CPEB3: variants seen among roughly 807,000 people sequenced by gnomAD.
CPEB3 encodes cytoplasmic polyadenylation element-binding protein 3.
Under a neutral mutation model 67.2 loss-of-function variants are expected in CPEB3, and 20 were observed. The observed-to-expected ratio is 0.30, with a 90% CI of 0.21 to 0.43. The LOEUF is 0.43. CPEB3 is among the 20% of genes least tolerant of loss of function. CPEB3 has a pLI of 1.00. For missense variants in CPEB3, 746 were observed against 968.6 expected (o/e 0.77, Z 3.05); for synonymous variants, 376 against 393.1 (o/e 0.96, Z 0.51).
At chr10:92,139,943 C>T (rs951390490) in intron 6 of CPEB3, among the ~76,000 whole-genome samples, 1 of 151,714 alleles carries the variant, frequency 6.6e-6, no homozygotes, top group Non-Finnish European at 1.5e-5. Flanking sequence ...TATGGTGGCA[C>T]AAGCCTGTAG....
intron 4 of CPEB3, among the ~76,000 whole-genome samples, chr10:92,170,547 AATAATT>A (rs1847952423): frequency 6.6e-6 from 1 of 152,170 alleles, no homozygotes; most frequent in Non-Finnish European, 1.5e-5. Context: ...TTCCACTAAG[AATAATT>A]AATAACCACC....
intron 1 of CPEB3, among the ~76,000 whole-genome samples, chr10:92,271,863 C>A (rs1411413413): frequency 1.3e-5 from 2 of 152,104 alleles, no homozygotes; most frequent in East Asian, 3.8e-4. Flanking sequence ...ATCATTTATT[C>A]TTGTGGTGTT....
chr10:92,078,679 C>T (rs1437466100), intron 9 of CPEB3, among the ~76,000 whole-genome samples: 8 of 152,054 alleles, frequency 5.3e-5, no homozygotes, highest in African/African-American at 1.9e-4. Flanking sequence ...TTTCCTGAGC[C>T]CTGAGAAGTC....
intron 1 of CPEB3, among the ~76,000 whole-genome samples, chr10:92,284,006 T>A (rs1194445646): frequency 6.8e-6 from 1 of 147,538 alleles, no homozygotes; most frequent in Non-Finnish European, 1.5e-5. Context: ...GGATTACAGG[T>A]GTGAGCCACT....
At position 92,127,799 on chromosome 10, in the gene CPEB3, G is replaced by C. The variant is rs114233871; in HGVS notation, c.1453+15230C>G. The stretch of plus-strand genomic sequence containing the variant: ...TAGCAAAGTAGTCAGTGTGGCCATA[G>C]TGGGTAAGGGAGAGAATGATAGGAG... On this transcript the variant is annotated intron_variant, in intron 6 of 9. Coordinates refer to ENST00000265997, the MANE Select transcript of CPEB3 (RefSeq NM_014912.5). Among the ~76,000 whole-genome samples, 1,000 of 152,322 alleles carry C rather than the reference G, an allele frequency of 6.6e-3. 13 individuals are homozygous for C. The highest frequency in any genetic ancestry group is 0.022 in the African/African-American group (914 of 41,574).
intron 7 of CPEB3, among the ~76,000 whole-genome samples, chr10:92,097,478 C>G (rs1382754885): frequency 6.6e-6 from 1 of 152,210 alleles, no homozygotes; most frequent in African/African-American, 2.4e-5. Flanking sequence ...CTCCTGAGGA[C>G]TACTTTTGGC....
chr10:92,222,190 A>G (rs988180362), intron 2 of CPEB3, among the ~76,000 whole-genome samples: 1 of 147,926 alleles, frequency 6.8e-6, no homozygotes, highest in Non-Finnish European at 1.5e-5. Flanking sequence ...TTGTCTCCAA[A>G]CCTCTTTTTT....
At chr10:92,205,091 G>A (rs1449297540) in intron 2 of CPEB3, among the ~76,000 whole-genome samples, 1 of 152,050 alleles carries the variant, frequency 6.6e-6, no homozygotes, top group Non-Finnish European at 1.5e-5. Context: ...ACCCACCTTG[G>A]CCTCCCAAAG....
rs1281791051 is a variant in CPEB3, at chr10:92,239,387, C to A, written c.964G>T (p.Ala322Ser). The A allele has an allele frequency of 3.1e-6, 5 of 1,605,968 alleles. No homozygotes were observed. Among genetic ancestry groups the A allele is most frequent in the Non-Finnish European group, 4.3e-6 (5 of 1,176,412 alleles). ...TTGTTACCATTATCGGTCCGGAAAG[C>A]GTTATCCTCCATCCAGGACTTGGAA... is the stretch of plus-strand genomic sequence containing the variant. ...LTSKSWMEDN[A>S]FRTDNGNNLL... The change falls in exon 2 of 10, where the codon GCT becomes TCT. Residue 322 changes from alanine to serine, a missense_variant. By Grantham distance (99) the Ala-to-Ser change is moderately conservative. Transcript: ENST00000265997. The surrounding 1 kb of genome is among the most constrained non-coding windows in gnomAD (Gnocchi z 6.0).
At chr10:92,102,945 A>G (rs549320815) in intron 7 of CPEB3, among the ~76,000 whole-genome samples, 2 of 152,230 alleles carry the variant, frequency 1.3e-5, no homozygotes, top group African/African-American at 4.8e-5. Flanking sequence ...TAAGGCTGAA[A>G]CCATATATTT....
intron 1 of CPEB3, among the ~76,000 whole-genome samples, chr10:92,241,303 C>T (rs1336044387): frequency 1.5e-5 from 2 of 134,694 alleles, no homozygotes; most frequent in Admixed American, 1.7e-4. Flanking sequence ...AGCGAGCGAG[C>T]GCCTGTGAGA....
At chr10:92,276,223 A>G (rs1326363961) in intron 1 of CPEB3, among the ~76,000 whole-genome samples, 1 of 149,374 alleles carries the variant, frequency 6.7e-6, no homozygotes, top group Non-Finnish European at 1.5e-5. Flanking sequence ...TTGATGGACA[A>G]TTGGGTTGTT....
intron 2 of CPEB3, among the ~76,000 whole-genome samples, chr10:92,226,901 C>T (rs1352538765): frequency 1.3e-5 from 2 of 151,928 alleles, no homozygotes; most frequent in African/African-American, 4.8e-5. Context: ...GAGGGGGGAG[C>T]GAACCCAGAT....
chr10:92,273,691 A>T (rs2135010825), intron 1 of CPEB3, among the ~76,000 whole-genome samples: 1 of 152,324 alleles, frequency 6.6e-6, no homozygotes. Context: ...TATCAGATTG[A>T]CAAAAATTAA....
At chr10:92,086,794 T>C (rs1417147391) in intron 8 of CPEB3, among the ~76,000 whole-genome samples, 7 of 152,242 alleles carry the variant, frequency 4.6e-5, no homozygotes, top group Non-Finnish European at 8.8e-5. Context: ...TATGCTAATA[T>C]CACACAGCCT....
At chr10:92,206,843 G>A (rs1388748400) in intron 2 of CPEB3, among the ~76,000 whole-genome samples, 1 of 152,034 alleles carries the variant, frequency 6.6e-6, no homozygotes, top group Non-Finnish European at 1.5e-5. Context: ...CAGATTTTTT[G>A]AGTCCTTTAA....
In CPEB3 at chr10:92,231,647, C is replaced by T. The variant is rs75007615; in HGVS notation, c.1005+7699G>A. On this transcript the variant is annotated intron_variant, in intron 2 of 9. Coordinates refer to ENST00000265997, the MANE Select transcript of CPEB3 (RefSeq NM_014912.5). ...CCTTATTCCAAGTTTCATAGGTTGTCCACTACTGTATGCTCCCCTCCATCT... is the reference window on the plus strand; with the variant it reads ...CCTTATTCCAAGTTTCATAGGTTGTTCACTACTGTATGCTCCCCTCCATCT... Among the ~76,000 whole-genome samples the T allele has an allele frequency of 3.7e-3, 559 of 152,274 alleles. 3 individuals are homozygous for T. Among genetic ancestry groups the T allele is most frequent in the African/African-American group, 0.013 (525 of 41,566 alleles).
chr10:92,093,787 C>T (rs1843725576), intron 7 of CPEB3, among the ~76,000 whole-genome samples: 1 of 152,082 alleles, frequency 6.6e-6, no homozygotes, highest in Non-Finnish European at 1.5e-5. Context: ...TAGGCACGAG[C>T]CACCGCGCCT....
chr10:92,105,746 G>T (rs1453693841), intron 7 of CPEB3, among the ~76,000 whole-genome samples: 1 of 125,284 alleles, frequency 8.0e-6, no homozygotes, highest in African/African-American at 3.1e-5. Context: ...CTGAGACTGA[G>T]TCCTGCTCTG....
Sources: allele counts gnomAD v4.1 joint callset (sites outside exome capture counted in the v4.1 genomes callset), GRCh38; gene constraint gnomAD v4.1.1; non-coding constraint Gnocchi (gnomAD v3.1); transcripts MANE v1.5; gene names NCBI Gene and HGNC (gene_info 2026-07-23, HGNC 2026-07-21).